The following GRIP2 variants were observed in gnomAD, a reference collection of about 807,000 sequenced individuals.
GRIP2 encodes glutamate receptor-interacting protein 2.
A neutral mutation model predicts 108.3 loss-of-function variants in GRIP2; 58 were observed. That is an observed-to-expected ratio of 0.54 (90% CI 0.43 to 0.67). The LOEUF (loss-of-function observed/expected upper bound fraction) is 0.67. Among genes scored for constraint, GRIP2 ranks in the 30% least tolerant of loss-of-function variants. The probability of loss-of-function intolerance (pLI) is 0.00; values close to 1 mark genes in which losing one functional copy is unlikely to be tolerated. For missense variants in GRIP2, 1,278 were observed against 1,430.6 expected, an observed-to-expected ratio of 0.89 and a Z score of 1.72; for synonymous variants, 586 against 598.2, an observed-to-expected ratio of 0.98 and a Z score of 0.30.
In GRIP2 at chr3:14,552,581, A is replaced by G. The variant is rs994249757; in HGVS notation, c.55+3319T>C. 2.0e-4 allele frequency among the ~76,000 whole-genome samples: 30 copies of G among 148,790 alleles called. No homozygotes were observed. In the South Asian group the frequency reaches 6.2e-3, roughly 31 times the overall value. ...AAGACTCCTTCCTCCAACCCTACCT[A>G]TGGTCTGTAGACCACAGCCAGAGCT... On this transcript the variant is annotated intron_variant, in intron 1 of 23. Transcript: ENST00000637182.
At chr3:14,594,601 C>T in the GRIP2 span, among the ~76,000 whole-genome samples, 1 of 152,194 alleles carries the variant, frequency 6.6e-6, no homozygotes, top group African/African-American at 2.4e-5. Flanking sequence ...CAGGGCAGGG[C>T]CACTCTAGGA....
At chr3:14,573,373 C>G in the GRIP2 span, 2 of 1,331,896 alleles carry the variant, frequency 1.5e-6, no homozygotes, top group Admixed American at 3.5e-5. Context: ...TTCTCCAGGT[C>G]CCGCGGGATG....
At chr3:14,551,364 T>G (rs982019366) in intron 1 of GRIP2, among the ~76,000 whole-genome samples, 1 of 152,126 alleles carries the variant, frequency 6.6e-6, no homozygotes. Flanking sequence ...GCAAGGCCAA[T>G]GTGCGGTTGG....
chr3:14,496,341 C>T, intron 22 of GRIP2, 76 bp downstream of exon 22: 2 of 1,310,020 alleles, frequency 1.5e-6, no homozygotes, highest in Non-Finnish European at 2.1e-6. Context: ...GGGCAGGGCC[C>T]CTCTGGAGTC....
the GRIP2 span, among the ~76,000 whole-genome samples, chr3:14,564,769 T>C: frequency 6.6e-6 from 1 of 152,160 alleles, no homozygotes; most frequent in African/African-American, 2.4e-5. Flanking sequence ...GGATGCACAT[T>C]AACCTTCTTC....
At chr3:14,551,097 G>A (rs1695139990) in intron 1 of GRIP2, among the ~76,000 whole-genome samples, 3 of 152,154 alleles carry the variant, frequency 2.0e-5, no homozygotes, top group Non-Finnish European at 4.4e-5. Context: ...GCTGAGGCCA[G>A]GAGGAACACG....
Position 14,517,759 on chromosome 3 carries a change from G to A in GRIP2, c.1156+13C>T. ...ACAAGACTGGCTGAGCTACAGCAGG[G>A]CAGGCACATTACATCGGCTTTGGTC... On this transcript the variant is annotated intron_variant, in intron 10 of 23. Coordinates refer to ENST00000621039, the MANE Select transcript of GRIP2 (RefSeq NM_001080423.4). 1 of 1,610,096 alleles carries A rather than the reference G, an allele frequency of 6.2e-7. No individual in the cohort carries two copies. The highest frequency in any genetic ancestry group is 8.5e-7 in the Non-Finnish European group (1 of 1,178,756).
At chr3:14,592,105 C>T in the GRIP2 span, among the ~76,000 whole-genome samples, 2 of 152,212 alleles carry the variant, frequency 1.3e-5, no homozygotes, top group East Asian at 1.9e-4. Flanking sequence ...TAAATGGCCA[C>T]GTGAATGCAT....
chr3:14,557,769 A>C (rs1179033276), upstream of GRIP2, among the ~76,000 whole-genome samples: 2 of 152,260 alleles, frequency 1.3e-5, no homozygotes, highest in Non-Finnish European at 2.9e-5. Context: ...GCTGTGGCTT[A>C]GCTGTGCAAA....
the GRIP2 span, among the ~76,000 whole-genome samples, chr3:14,563,295 G>A: frequency 6.6e-6 from 1 of 152,134 alleles, no homozygotes; most frequent in Non-Finnish European, 1.5e-5. Flanking sequence ...AAGTTCTGTG[G>A]TTTGCCCTTA....
chr3:14,524,344 C>T (rs746564412), intron 4 of GRIP2, 49 bp downstream of exon 4: 1 of 1,577,780 alleles, frequency 6.3e-7, no homozygotes, highest in Admixed American at 1.8e-5. Flanking sequence ...TAGCCGTGTC[C>T]ACCCGCAACC....
Position 14,513,784 on chromosome 3 carries a change from C to T in GRIP2, c.1520G>A (p.Arg507His), listed in dbSNP as rs561695280. Residue 507 changes from arginine to histidine, a missense_variant, in exon 13 of 24, where the codon CGT (arginine) becomes CAT (histidine). By Grantham distance (29) the Arg-to-His change is conservative. Transcript: ENST00000621039. ...GGCAATGCCATTGATGGACAGGACA[C>T]GGTCCCCCACCTGCAGCAGCCCACA... ...ERCGLLQVGDRVLSINGIATE... is the reference protein window; with the variant it reads ...ERCGLLQVGDHVLSINGIATE... The T allele has an allele frequency of 5.6e-6, 9 of 1,612,802 alleles. No homozygotes were observed. Among genetic ancestry groups the T allele is most frequent in the South Asian group, 4.4e-5 (4 of 90,780 alleles).
At chr3:14,580,007 C>A in the GRIP2 span, among the ~76,000 whole-genome samples, 1 of 152,204 alleles carries the variant, frequency 6.6e-6, no homozygotes, top group Admixed American at 6.5e-5. Context: ...GCTTTCGTGG[C>A]AGTGTATGGC....
chr3:14,523,736 C>A, intron 4 of GRIP2, 38 bp from the exon 5 acceptor site: 2 of 1,415,852 alleles, frequency 1.4e-6, no homozygotes, highest in South Asian at 2.4e-5. Context: ...GTCCCTCAGT[C>A]GCATCTCCAG....
intron 1 of GRIP2, among the ~76,000 whole-genome samples, chr3:14,552,728 A>C (rs1348830833): frequency 4.6e-5 from 7 of 150,888 alleles, no homozygotes. Flanking sequence ...AGGTAGCTGG[A>C]ATTACAGGCG....
Position 14,505,584 on chromosome 3 carries a change from C to T in GRIP2, c.2573+31G>A, listed in dbSNP as rs1443253669. 1.3e-6 allele frequency: 2 copies of T among 1,596,720 alleles called. No individual in the cohort carries two copies. The highest frequency in any genetic ancestry group is 4.5e-5 in the East Asian group (2 of 43,966). Reference sequence around the variant, plus strand: ...CACCCCAGCCAAGACACTGTGACTCCCTCCTCCTTCACGGTGCTCCCACCA... The same window carrying T: ...CACCCCAGCCAAGACACTGTGACTCTCTCCTCCTTCACGGTGCTCCCACCA... On this transcript the variant is annotated intron_variant, in intron 20 of 23. Coordinates refer to ENST00000621039, the MANE Select transcript of GRIP2 (RefSeq NM_001080423.4). The surrounding 1 kb of genome is among the most constrained non-coding windows in gnomAD (Gnocchi z 4.2).
Position 14,522,141 on chromosome 3 carries a change from G to A in GRIP2, c.567-354C>T. On this transcript the variant is annotated intron_variant, in intron 6 of 23. Transcript: ENST00000621039. The surrounding 1 kb of genome is among the most constrained non-coding windows in gnomAD (Gnocchi z 4.3). Reference sequence around the variant, plus strand: ...ACTCCTGCCTCAGGGACAAAGGACAGCACCAGGGCCCAGAGAGGGTGCAAG... The same window carrying A: ...ACTCCTGCCTCAGGGACAAAGGACAACACCAGGGCCCAGAGAGGGTGCAAG... The A allele has an allele frequency of 4.2e-6, 1 of 240,344 alleles. No homozygotes were observed. Among genetic ancestry groups the A allele is most frequent in the South Asian group, 8.6e-5 (1 of 11,582 alleles). 14.9% of individuals were successfully genotyped at this position (240,344 alleles called of 1,614,324 possible).
rs148393805 is a variant in GRIP2 at position 14,493,709 on chromosome 3, G to A, written c.3088C>T (p.Arg1030Trp). The change falls in exon 24 of 24, where the codon CGG (arginine) becomes TGG (tryptophan). Residue 1030 changes from arginine to tryptophan, a missense_variant. By Grantham distance (101) the Arg-to-Trp change is moderately radical (BLOSUM62 -3). Coordinates refer to ENST00000621039, the MANE Select transcript of GRIP2 (RefSeq NM_001080423.4). ...CTGGGGCCTGGCGATCGGGGGGCCC[G>A]GCTGCTGTGTGCCGTGTGCGGCTTG... ...SRKPHTAHSS[R>W]APRSPGPSSP... The A allele has an allele frequency of 3.5e-4, 570 of 1,609,444 alleles. 1 individual carries two copies. In the African/African-American group the frequency reaches 5.8e-3, roughly 16 times the overall value.
chr3:14,526,961 T>C (rs1208771809), intron 1 of GRIP2, among the ~76,000 whole-genome samples: 1 of 152,090 alleles, frequency 6.6e-6, no homozygotes, highest in Admixed American at 6.5e-5. Flanking sequence ...CCGAGGCAGG[T>C]GGATCACTTG....
Sources: allele counts gnomAD v4.1 joint callset (sites outside exome capture counted in the v4.1 genomes callset), GRCh38; gene constraint gnomAD v4.1.1; non-coding constraint Gnocchi (gnomAD v3.1); transcripts MANE v1.5; gene names NCBI Gene and HGNC (gene_info 2026-07-23, HGNC 2026-07-21).